NEURL1: variants seen among roughly 807,000 people sequenced by gnomAD.
The protein encoded by NEURL1 is neuralized E3 ubiquitin protein ligase 1, also known as E3 ubiquitin-protein ligase NEURL1.
A neutral mutation model predicts 41.2 loss-of-function variants in NEURL1; 26 were observed. The ratio of observed to expected loss-of-function variants is 0.63; its 90% CI spans 0.46 to 0.87. NEURL1 has a LOEUF of 0.87. Among genes scored for constraint, NEURL1 ranks in the 40% least tolerant of loss-of-function variants. NEURL1 has a pLI of 0.00. For synonymous variants in NEURL1, 400 were observed against 402.3 expected (o/e 0.99, Z 0.07); for missense variants, 761 against 871.1 (o/e 0.87, Z 1.59).
At chr10:103,541,117 G>A (rs973250711) in intron 1 of NEURL1, among the ~76,000 whole-genome samples, 2 of 152,218 alleles carry the variant, frequency 1.3e-5, no homozygotes, top group Non-Finnish European at 2.9e-5. Flanking sequence ...TTGGGGAGTA[G>A]CATGGTTTGT....
chr10:103,538,172 G>A (rs989904914), intron 1 of NEURL1, among the ~76,000 whole-genome samples: 3 of 151,962 alleles, frequency 2.0e-5, no homozygotes, highest in African/African-American at 7.3e-5. Flanking sequence ...TCAGCTCACT[G>A]CAACCTCCAC....
intron 1 of NEURL1, among the ~76,000 whole-genome samples, chr10:103,562,284 G>T (rs1041722829): frequency 1.3e-5 from 2 of 152,198 alleles, no homozygotes. Flanking sequence ...TCAGGAGGCC[G>T]AGGCAGGAGA....
At chr10:103,587,008 G>A (rs1374794012) in intron 4 of NEURL1, among the ~76,000 whole-genome samples, 3 of 152,056 alleles carry the variant, frequency 2.0e-5, no homozygotes, top group South Asian at 2.1e-4. Context: ...CTGAGATAGT[G>A]GCACTGCATT....
chr10:103,564,777 G>C (rs945388412), intron 1 of NEURL1, among the ~76,000 whole-genome samples: 1 of 152,198 alleles, frequency 6.6e-6, no homozygotes, highest in East Asian at 1.9e-4. Flanking sequence ...CCCACCTCCA[G>C]CTGTCCCCTC....
chr10:103,538,959 CT>C (rs372767288), intron 1 of NEURL1, among the ~76,000 whole-genome samples: 8,078 of 83,820 alleles, frequency 0.096, 262 homozygotes, highest in East Asian at 0.26. Context: ...TTTTTTTTTT[CT>C]TTTTCAGACA....
At chr10:103,583,279 G>A (rs996611723) in intron 3 of NEURL1, among the ~76,000 whole-genome samples, 8 of 152,168 alleles carry the variant, frequency 5.3e-5, no homozygotes, top group African/African-American at 1.9e-4. Context: ...CATGAATGCC[G>A]AGAAATTATC....
At position 103,584,788 on chromosome 10, in the gene NEURL1, C is replaced by T. The variant is rs1296058393; in HGVS notation, c.902C>T (p.Ala301Val). 1.4e-6 allele frequency: 2 copies of T among 1,436,542 alleles called. No individual in the cohort carries two copies. Among genetic ancestry groups the T allele is most frequent in the Non-Finnish European group, 1.8e-6 (2 of 1,100,100 alleles). The allele number at this position is 1,436,542 out of a possible 1,614,324, so 89.0% of individuals were successfully genotyped here. A position where few individuals can be genotyped will look rare whatever the true frequency, so the allele number is the denominator to read the frequency against. The change falls in exon 4 of 6, where the codon GCC (alanine) becomes GTC (valine). Residue 301 changes from alanine to valine, a missense_variant. Coordinates refer to ENST00000369780, the MANE Select transcript of NEURL1 (RefSeq NM_004210.5). ...DGDLRFHALRAGAHVRILDEQ... is the reference protein window; with the variant it reads ...DGDLRFHALRVGAHVRILDEQ... ...GACCTGCGTTTCCACGCCCTGCGCG[C>T]CGGCGCGCACGTCCGCATCCTCGAC...
intron 3 of NEURL1, among the ~76,000 whole-genome samples, chr10:103,583,444 G>T (rs1250576976): frequency 6.6e-6 from 1 of 151,988 alleles, no homozygotes; most frequent in Non-Finnish European, 1.5e-5. Flanking sequence ...AGCTGGGTGT[G>T]GTGGCTCACA....
At chr10:103,588,104 A>G (rs1404052509) in intron 4 of NEURL1, among the ~76,000 whole-genome samples, 3 of 151,944 alleles carry the variant, frequency 2.0e-5, no homozygotes, top group African/African-American at 7.3e-5. Flanking sequence ...GGAGATCGAG[A>G]CCACCCTGGT....
At position 103,508,767 on chromosome 10, in the gene NEURL1, A is replaced by G. The variant is rs1243068713; in HGVS notation, c.85+14295A>G. 1.3e-5 allele frequency among the ~76,000 whole-genome samples: 2 copies of G among 152,180 alleles called. No individual in the cohort carries two copies. The highest frequency in any genetic ancestry group is 4.8e-5 in the African/African-American group (2 of 41,452). ...ACTCACATGAAAGTTTCGGCCTCAGAGGGCAGCCCGCCAGGAAACTAGGGC... is the reference window on the plus strand; with the variant it reads ...ACTCACATGAAAGTTTCGGCCTCAGGGGGCAGCCCGCCAGGAAACTAGGGC... On this transcript the variant is annotated intron_variant, in intron 1 of 5. Coordinates refer to ENST00000369780, the MANE Select transcript of NEURL1 (RefSeq NM_004210.5). This position sits in a 1 kb window ranked among gnomAD's most constrained non-coding sequence, Gnocchi z 4.3.
chr10:103,531,741 A>T (rs1196291760), intron 1 of NEURL1, among the ~76,000 whole-genome samples: 1 of 151,608 alleles, frequency 6.6e-6, no homozygotes, highest in East Asian at 1.9e-4. Flanking sequence ...GCTGGTCTTG[A>T]ACTTCTGGCC....
At chr10:103,559,826 G>T (rs1434233439) in intron 1 of NEURL1, among the ~76,000 whole-genome samples, 1 of 150,522 alleles carries the variant, frequency 6.6e-6, no homozygotes, top group Admixed American at 6.6e-5. Context: ...GCTTGCCAGT[G>T]CATGCACACA....
intron 1 of NEURL1, among the ~76,000 whole-genome samples, chr10:103,547,189 C>T (rs898929733): frequency 6.6e-6 from 1 of 152,220 alleles, no homozygotes. Flanking sequence ...AAGGTTTGAA[C>T]CCGGGAAGTT....
chr10:103,565,144 G>A (rs2133874617), intron 1 of NEURL1, among the ~76,000 whole-genome samples: 1 of 152,280 alleles, frequency 6.6e-6, no homozygotes, highest in South Asian at 2.1e-4. Context: ...GGTGAGGGGT[G>A]CTCAGGGGCT....
chr10:103,526,147 T>C (rs1016980858), intron 1 of NEURL1, among the ~76,000 whole-genome samples: 1 of 152,206 alleles, frequency 6.6e-6, no homozygotes, highest in Admixed American at 6.5e-5. Flanking sequence ...CAGTATTTTG[T>C]TGAGGATTTT....
chr10:103,511,799 A>G (rs1360796027), intron 1 of NEURL1: 2 of 152,140 alleles, frequency 1.3e-5, no homozygotes, highest in Non-Finnish European at 2.9e-5. Flanking sequence ...TGTATTTTTT[A>G]CTGTCTCTCT....
chr10:103,564,659 GT>G (rs901334243), intron 1 of NEURL1, among the ~76,000 whole-genome samples: 53 of 152,340 alleles, frequency 3.5e-4, no homozygotes, highest in African/African-American at 9.9e-4. Flanking sequence ...CCACAAGTGA[GT>G]TGCTTAACCA....
intron 1 of NEURL1, among the ~76,000 whole-genome samples, chr10:103,528,532 C>G (rs1275884023): frequency 1.5e-5 from 2 of 134,356 alleles, no homozygotes; most frequent in African/African-American, 5.9e-5. Context: ...GTGACTCCGT[C>G]TCAAAAAAAA....
At chr10:103,553,629 A>C (rs2035081917) in intron 1 of NEURL1, among the ~76,000 whole-genome samples, 1 of 152,024 alleles carries the variant, frequency 6.6e-6, no homozygotes, top group Admixed American at 6.5e-5. Context: ...GCTTCCCCAG[A>C]CCCACTCAGA....
Sources: allele counts gnomAD v4.1 joint callset (sites outside exome capture counted in the v4.1 genomes callset), GRCh38; gene constraint gnomAD v4.1.1; non-coding constraint Gnocchi (gnomAD v3.1); transcripts MANE v1.5; gene names NCBI Gene and HGNC (gene_info 2026-07-23, HGNC 2026-07-21).